GSDME: variants seen among roughly 807,000 people sequenced by gnomAD.
GSDME encodes gasdermin-E.
GSDME carries 44 observed loss-of-function variants against 47.5 expected under a neutral mutation model. That is an observed-to-expected ratio of 0.93 (90% CI 0.73 to 1.19). The LOEUF (loss-of-function observed/expected upper bound fraction) is 1.19, where lower values mean the gene tolerates loss of function less well. Ranked by LOEUF, GSDME falls within the 50% of genes most tolerant of loss-of-function variation. The pLI is 0.00. For synonymous variants in GSDME, 258 were observed against 252.8 expected, an observed-to-expected ratio of 1.02 and a Z score of -0.20; for missense variants, 663 against 604.2, an observed-to-expected ratio of 1.10 and a Z score of -1.02.
the GSDME span, among the ~76,000 whole-genome samples, chr7:24,781,370 G>A: frequency 2.0e-5 from 3 of 152,202 alleles, no homozygotes; most frequent in African/African-American, 4.8e-5. Context: ...GTAAGTGCAC[G>A]TGGGGAAGCC....
At chr7:24,711,746 C>A (rs190586897) in intron 5 of GSDME, among the ~76,000 whole-genome samples, 81 of 140,316 alleles carry the variant, frequency 5.8e-4, no homozygotes, top group Non-Finnish European at 1.9e-4. Flanking sequence ...GCCCTGGAGG[C>A]GGAGGTTGCA....
At chr7:24,776,782 T>C in the GSDME span, among the ~76,000 whole-genome samples, 1 of 152,176 alleles carries the variant, frequency 6.6e-6, no homozygotes, top group Admixed American at 6.5e-5. Context: ...GTGATTTACT[T>C]TCTGAAGAAA....
the GSDME span, among the ~76,000 whole-genome samples, chr7:24,792,471 A>T: frequency 7.2e-5 from 11 of 152,338 alleles, no homozygotes; most frequent in South Asian, 2.3e-3. Context: ...TCTGAAGTAG[A>T]GGTCTGTCTT....
chr7:24,730,780 A>G (rs1238012044), intron 3 of GSDME, among the ~76,000 whole-genome samples: 1 of 152,216 alleles, frequency 6.6e-6, no homozygotes. Context: ...GCACCACTGC[A>G]CTCCAGCCTG....
At chr7:24,740,533 C>T (rs1160416478) in intron 3 of GSDME, among the ~76,000 whole-genome samples, 1 of 151,674 alleles carries the variant, frequency 6.6e-6, no homozygotes, top group African/African-American at 2.4e-5. Flanking sequence ...TGATGGATAC[C>T]TCATTTTACA....
the GSDME span, among the ~76,000 whole-genome samples, chr7:24,766,199 G>T: frequency 1.5e-4 from 23 of 148,572 alleles, no homozygotes; most frequent in African/African-American, 5.4e-4. This position sits in a 1 kb window ranked among gnomAD's most constrained non-coding sequence, Gnocchi z 4.2. Context: ...GTGTGTGTGT[G>T]TGTGTGTGTG....
chr7:24,712,051 A>G lies in GSDME; in HGVS notation c.698-1663T>C, dbSNP rs1412954776. ...CAGGGCCCCGTATTTGCTGAAATGTAGAAGGCATGAGTATTAGCAAATATT... is the reference window on the plus strand; with the variant it reads ...CAGGGCCCCGTATTTGCTGAAATGTGGAAGGCATGAGTATTAGCAAATATT... On this transcript the variant is annotated intron_variant, in intron 5 of 9. Transcript: ENST00000645220. This position sits in a 1 kb window ranked among gnomAD's most constrained non-coding sequence, Gnocchi z 4.4. 1.3e-5 allele frequency among the ~76,000 whole-genome samples: 2 copies of G among 152,230 alleles called. No homozygotes were observed. Among genetic ancestry groups the G allele is most frequent in the Non-Finnish European group, 2.9e-5 (2 of 68,038 alleles).
the GSDME span, among the ~76,000 whole-genome samples, chr7:24,783,638 C>A: frequency 1.1e-4 from 16 of 152,028 alleles, no homozygotes; most frequent in Admixed American, 3.3e-4. Flanking sequence ...CTGGTGGCAG[C>A]TAAGAGTATG....
intron 3 of GSDME, among the ~76,000 whole-genome samples, chr7:24,730,908 G>C (rs550825155): frequency 6.6e-6 from 1 of 152,108 alleles, no homozygotes; most frequent in East Asian, 1.9e-4. Context: ...AGTATTGGAG[G>C]GTCCCCAGCA....
At chr7:24,746,480 C>T (rs188932202) in intron 2 of GSDME, among the ~76,000 whole-genome samples, 2 of 152,282 alleles carry the variant, frequency 1.3e-5, no homozygotes, top group East Asian at 3.9e-4. Context: ...TAGAGTCTCA[C>T]ACATAGCAAA....
chr7:24,708,316 G>T, intron 6 of GSDME, 62 bp from the exon 7 acceptor site: 1 of 1,598,242 alleles, frequency 6.3e-7, no homozygotes, highest in Non-Finnish European at 8.5e-7. Flanking sequence ...ACGTCGGACA[G>T]CAACTCCTGC....
Position 24,707,691 on chromosome 7 carries a change from CA to C in GSDME, c.990+435del, listed in dbSNP as rs1350523809. 7.8e-4 allele frequency: 296 copies of C among 379,094 alleles called. 3 individuals carry two copies. The highest frequency in any genetic ancestry group is 5.2e-3 in the African/African-American group (258 of 49,178). 23.5% of individuals were successfully genotyped at this position (379,094 alleles called of 1,614,324 possible). ...CAGACAGTAAAGGAGAAGACACACA[CA>C]CACACACAGAGGGGAAGCCCACATG... On this transcript the variant is annotated intron_variant, in intron 7 of 9. Coordinates refer to ENST00000645220, the MANE Select transcript of GSDME (RefSeq NM_001127453.2).
rs78913193 is a variant in GSDME, at chr7:24,730,151, G to A, written c.405-10933C>T. ...GATGAGAAGTGCAGTGATGAGTTGA[G>A]TCTCTGTGTCAAACACTATATGAAC... On this transcript the variant is annotated intron_variant, in intron 3 of 9. Coordinates refer to ENST00000645220, the MANE Select transcript of GSDME (RefSeq NM_001127453.2). Among the ~76,000 whole-genome samples, 296 of 152,338 alleles carry A rather than the reference G, an allele frequency of 1.9e-3. 4 individuals carry two copies. The highest frequency in any genetic ancestry group is 0.015 in the Admixed American group (224 of 15,308).
At chr7:24,715,474 C>G (rs763529437) in intron 5 of GSDME, 8 of 470,910 alleles carry the variant, frequency 1.7e-5, no homozygotes, top group African/African-American at 6.0e-5. Context: ...CATACAGTTT[C>G]TGTGTGTCAA....
Position 24,739,359 on chromosome 7 carries a change from A to G in GSDME, c.404+5203T>C, listed in dbSNP as rs181235751. ...TCAAAAGACGACATACAAATGTCAG[A>G]CAGGCATATGAAAATGTGCTCAACA... is the stretch of plus-strand genomic sequence containing the variant. On this transcript the variant is annotated intron_variant, in intron 3 of 9. Coordinates refer to ENST00000645220, the MANE Select transcript of GSDME (RefSeq NM_001127453.2). This position sits in a 1 kb window ranked among gnomAD's most constrained non-coding sequence, Gnocchi z 5.1. Among the ~76,000 whole-genome samples, 2 of 152,350 alleles carry G rather than the reference A, an allele frequency of 1.3e-5. No individual in the cohort carries two copies. The highest frequency in any genetic ancestry group is 1.3e-4 in the Admixed American group (2 of 15,298).
At chr7:24,699,445 C>T (rs1025336160) in intron 9 of GSDME, among the ~76,000 whole-genome samples, 186 bp from the exon 10 acceptor site, 2 of 151,964 alleles carry the variant, frequency 1.3e-5, no homozygotes, top group African/African-American at 2.4e-5. Flanking sequence ...CAGGTTCAAG[C>T]GATTCTTTTG....
At chr7:24,749,871 C>A (rs1790801237) in intron 1 of GSDME, 78 bp from the exon 2 acceptor site, 1 of 913,486 alleles carries the variant, frequency 1.1e-6, no homozygotes. Context: ...TACTGTATTT[C>A]TCCCTATTCA....
At chr7:24,774,576 A>C in the GSDME span, among the ~76,000 whole-genome samples, 1 of 152,078 alleles carries the variant, frequency 6.6e-6, no homozygotes, top group Non-Finnish European at 1.5e-5. Context: ...TCTGTCACCC[A>C]GGCTTGAGTG....
In GSDME at chr7:24,721,330, A is replaced by C. The variant is rs1053586649; in HGVS notation, c.405-2112T>G. 2.0e-5 allele frequency among the ~76,000 whole-genome samples: 3 copies of C among 152,232 alleles called. No homozygotes were observed. Among genetic ancestry groups the C allele is most frequent in the Non-Finnish European group, 4.4e-5 (3 of 68,046 alleles). On this transcript the variant is annotated intron_variant, in intron 3 of 9. Transcript: ENST00000645220. The surrounding 1 kb of genome is among the most constrained non-coding windows in gnomAD (Gnocchi z 4.1). Reference sequence around the variant, plus strand: ...CTGGTTAAGGAAATTCAAATTATAAAAATGTCTCACACGTGATAAAAATAC... The same window carrying C: ...CTGGTTAAGGAAATTCAAATTATAACAATGTCTCACACGTGATAAAAATAC...
Sources: gnomAD v4.1 joint callset for allele counts (sites outside exome capture counted in the v4.1 genomes callset) on GRCh38, gnomAD v4.1.1 for gene constraint, Gnocchi (gnomAD v3.1) non-coding constraint, MANE v1.5 for transcripts, NCBI Gene and HGNC (gene_info 2026-07-23, HGNC 2026-07-21) for gene names.